The following UHRF2 variants were observed in gnomAD, a reference collection of about 807,000 sequenced individuals.
UHRF2 encodes the protein ubiquitin like with PHD and ring finger domains 2.
UHRF2 carries 23 observed loss-of-function variants against 96.8 expected under a neutral mutation model. That is an observed-to-expected ratio of 0.24 (90% CI 0.17 to 0.34). UHRF2 has a LOEUF of 0.34. UHRF2 is among the 10% of genes least tolerant of loss of function. The pLI, the probability that UHRF2 is intolerant of heterozygous loss-of-function variation, is 1.00. For missense variants in UHRF2, 685 were observed against 981.5 expected (o/e 0.70, Z 4.04); for synonymous variants, 385 against 332.6 (o/e 1.16, Z -1.72).
intron 4 of UHRF2, 105 bp downstream of exon 4, chr9:6,460,896 A>C: frequency 1.1e-6 from 1 of 888,244 alleles, no homozygotes. Flanking sequence ...GGAGTCTATA[A>C]AAGATGGAAA....
At chr9:6,432,300 G>A (rs951935111) in intron 2 of UHRF2, among the ~76,000 whole-genome samples, 2 of 152,136 alleles carry the variant, frequency 1.3e-5, no homozygotes, top group Admixed American at 6.5e-5. Flanking sequence ...ACCTCTTCTG[G>A]TAGTGACAGT....
intron 6 of UHRF2, among the ~76,000 whole-genome samples, chr9:6,478,817 G>C (rs1304526270): frequency 6.6e-6 from 1 of 152,134 alleles, no homozygotes; most frequent in African/African-American, 2.4e-5. Flanking sequence ...GTGAGAGAAA[G>C]GGGGAAAGGA....
intron 15 of UHRF2, 44 bp from the exon 16 acceptor site, chr9:6,505,989 G>A: frequency 6.2e-7 from 1 of 1,608,262 alleles, no homozygotes. Flanking sequence ...GTACTTACAT[G>A]CTTTATGCTC....
At chr9:6,484,578 T>G (rs1191815547) in intron 8 of UHRF2, 2 of 130,344 alleles carry the variant, frequency 1.5e-5, no homozygotes, top group Admixed American at 7.6e-5. Flanking sequence ...GATTTTTGTG[T>G]TTTTTTTTTT....
chr9:6,441,261 C>G (rs1821145194), intron 3 of UHRF2, among the ~76,000 whole-genome samples: 1 of 152,042 alleles, frequency 6.6e-6, no homozygotes, highest in Admixed American at 6.6e-5. Flanking sequence ...GTAGTCCCAG[C>G]TACTCGGGAG....
chr9:6,460,895 A>G, intron 4 of UHRF2, 104 bp downstream of exon 4: 1 of 888,286 alleles, frequency 1.1e-6, no homozygotes, highest in South Asian at 2.5e-5. Flanking sequence ...TGGAGTCTAT[A>G]AAAGATGGAA....
At chr9:6,415,281 C>T (rs1000185426) in intron 1 of UHRF2, 3 of 152,210 alleles carry the variant, frequency 2.0e-5, no homozygotes, top group Admixed American at 6.5e-5. Context: ...CTGAGGATAA[C>T]CGTTGTACTT....
chr9:6,437,999 TC>T (rs1278547262), intron 3 of UHRF2, among the ~76,000 whole-genome samples: 1 of 152,218 alleles, frequency 6.6e-6, no homozygotes, highest in East Asian at 1.9e-4. Context: ...AATATTGTCC[TC>T]CAGCTCTCAT....
intron 8 of UHRF2, among the ~76,000 whole-genome samples, chr9:6,486,355 T>C (rs1482032636): frequency 6.6e-6 from 1 of 152,150 alleles, no homozygotes; most frequent in Non-Finnish European, 1.5e-5. Flanking sequence ...CAAAAGGGTT[T>C]GAGGAATAAG....
At chr9:6,494,606 A>G (rs1347508039) in intron 10 of UHRF2, 2 of 152,308 alleles carry the variant, frequency 1.3e-5, no homozygotes, top group African/African-American at 2.4e-5. Context: ...GCTAATACCA[A>G]TATTAATAAG....
At chr9:6,475,335 T>G in intron 4 of UHRF2, 56 bp from the exon 5 acceptor site, 2 of 1,043,426 alleles carry the variant, frequency 1.9e-6, no homozygotes, top group South Asian at 4.7e-5. Flanking sequence ...AATTATTATT[T>G]GTATATACCT....
At chr9:6,421,169 T>C in intron 2 of UHRF2, 27 bp downstream of exon 2, 1 of 1,487,476 alleles carries the variant, frequency 6.7e-7, no homozygotes, top group Non-Finnish European at 9.2e-7. Flanking sequence ...AGACTTACTG[T>C]TGTGAGAATA....
intron 4 of UHRF2, among the ~76,000 whole-genome samples, chr9:6,465,576 A>T (rs539959956): frequency 6.6e-6 from 1 of 152,294 alleles, no homozygotes; most frequent in South Asian, 2.1e-4. Flanking sequence ...CTGTTGTCAT[A>T]AATTTTTTTG....
chr9:6,437,509 A>G (rs887691309), intron 3 of UHRF2, among the ~76,000 whole-genome samples: 2 of 152,232 alleles, frequency 1.3e-5, no homozygotes, highest in African/African-American at 4.8e-5. Context: ...CTGGGATTAC[A>G]GGTATGAGTC....
At chr9:6,432,484 C>G (rs10975588) in intron 2 of UHRF2, among the ~76,000 whole-genome samples, 3,669 of 152,288 alleles carry the variant, frequency 0.024, 67 homozygotes, top group South Asian at 0.046. Flanking sequence ...ACATAAGCTT[C>G]AAAGTCAAGA....
At chr9:6,424,127 CAA>C (rs543796523) in intron 2 of UHRF2, among the ~76,000 whole-genome samples, 100 of 21,758 alleles carry the variant, frequency 4.6e-3, no homozygotes, top group African/African-American at 6.0e-3. Context: ...GGCAGGAGAA[CAA>C]AATAAAGTGT....
At chr9:6,414,426 C>G (rs140392065) in intron 1 of UHRF2, among the ~76,000 whole-genome samples, 93 of 152,350 alleles carry the variant, frequency 6.1e-4, no homozygotes, top group African/African-American at 2.0e-3. Flanking sequence ...ACGCTTTAAG[C>G]ATAGCACTGC....
intron 3 of UHRF2, among the ~76,000 whole-genome samples, chr9:6,450,950 A>G (rs141229947): frequency 1.3e-5 from 2 of 152,284 alleles, no homozygotes; most frequent in African/African-American, 4.8e-5. Flanking sequence ...TTCGTTGGAA[A>G]AGAACTAGGA....
At chr9:6,424,872 T>G (rs560315812) in intron 2 of UHRF2, among the ~76,000 whole-genome samples, 1 of 152,072 alleles carries the variant, frequency 6.6e-6, no homozygotes, top group East Asian at 1.9e-4. Context: ...TTTGTTTTCC[T>G]TATTTGTCTG....
Sources: allele counts gnomAD v4.1 joint callset (sites outside exome capture counted in the v4.1 genomes callset), GRCh38; gene constraint gnomAD v4.1.1; transcripts MANE v1.5; gene names NCBI Gene and HGNC (gene_info 2026-07-23, HGNC 2026-07-21).